The following PKHD1L1 variants were observed in gnomAD, a reference collection of about 807,000 sequenced individuals.
The protein encoded by PKHD1L1 is PKHD1 like 1.
Under a neutral mutation model 462.9 loss-of-function variants are expected in PKHD1L1, and 434 were observed. That is an observed-to-expected ratio of 0.94 (90% CI 0.87 to 1.02). The LOEUF is 1.02. Among genes scored for constraint, PKHD1L1 ranks in the 50% least tolerant of loss-of-function variants. The pLI is 0.00. For synonymous variants in PKHD1L1, 1,781 were observed against 1,750.0 expected (o/e 1.02, Z -0.44); for missense variants, 5,202 against 5,096.1 (o/e 1.02, Z -0.63).
At chr8:109,423,999 A>G (rs1229405341) in intron 23 of PKHD1L1, among the ~76,000 whole-genome samples, 1 of 152,064 alleles carries the variant, frequency 6.6e-6, no homozygotes, top group East Asian at 1.9e-4. Flanking sequence ...TTTATCTTGT[A>G]TCTTATAACC....
At chr8:109,421,520 C>A (rs1047929795) in intron 23 of PKHD1L1, among the ~76,000 whole-genome samples, 2 of 152,014 alleles carry the variant, frequency 1.3e-5, no homozygotes, top group African/African-American at 4.8e-5. Context: ...CGGTGGCTCA[C>A]GCCTATAATA....
intron 48 of PKHD1L1, among the ~76,000 whole-genome samples, chr8:109,463,116 GAACA>G (rs1817231459): frequency 6.6e-6 from 1 of 151,840 alleles, no homozygotes; most frequent in South Asian, 2.1e-4. Context: ...TGATTCCCTG[GAACA>G]ATGCATGGCA....
At chr8:109,520,024 C>G (rs1210411839) in intron 73 of PKHD1L1, among the ~76,000 whole-genome samples, 1 of 152,124 alleles carries the variant, frequency 6.6e-6, no homozygotes, top group African/African-American at 2.4e-5. Flanking sequence ...CATTATCACT[C>G]TGGAATTCTA....
In PKHD1L1 at chr8:109,429,941, T is replaced by C. The variant is rs199582110; in HGVS notation, c.3133T>C (p.Tyr1045His). 136 of 1,610,754 alleles carry C rather than the reference T, an allele frequency of 8.4e-5. No individual in the cohort carries two copies. The highest frequency in any genetic ancestry group is 1.1e-4 in the Non-Finnish European group (125 of 1,177,674). ...TPSQQPQVEV[Y>H]VNGIPAKCSG... Reference sequence around the variant, plus strand: ...GTTTCTTTACTTGAAGGTTGAAGTCTATGTCAATGGAATTCCAGCTAAATG... The same window carrying C: ...GTTTCTTTACTTGAAGGTTGAAGTCCATGTCAATGGAATTCCAGCTAAATG... Residue 1045 changes from tyrosine to histidine, a missense_variant, in exon 27 of 78, where the codon TAT becomes CAT. Tyr to His is a moderately conservative substitution (Grantham distance 83). Transcript: ENST00000378402.
chr8:109,385,200 T>G (rs1267891715), intron 5 of PKHD1L1, among the ~76,000 whole-genome samples: 1 of 151,754 alleles, frequency 6.6e-6, no homozygotes, highest in East Asian at 1.9e-4. Flanking sequence ...ATTTTTTATA[T>G]TTCATTTTTA....
rs1042948529 is a variant in PKHD1L1, at chr8:109,440,275, G to A, written c.3957-435G>A. On this transcript the variant is annotated intron_variant, in intron 32 of 77. Transcript: ENST00000378402. ...CCCTGACAAGTTTTCAACAAACGTG[G>A]AATAATAACTTCAAATTAATTATAC... 2.0e-5 allele frequency among the ~76,000 whole-genome samples: 3 copies of A among 152,148 alleles called. No individual in the cohort carries two copies. The South Asian group carries it at 6.2e-4, about 32-fold the overall frequency.
chr8:109,445,824 T>C (rs1372597909), intron 38 of PKHD1L1, among the ~76,000 whole-genome samples, 179 bp downstream of exon 38: 1 of 152,128 alleles, frequency 6.6e-6, no homozygotes, highest in Non-Finnish European at 1.5e-5. Flanking sequence ...TTTTCACACA[T>C]TTATGGGATA....
chr8:109,511,621 T>A (rs1368132398), intron 71 of PKHD1L1, among the ~76,000 whole-genome samples: 1 of 152,076 alleles, frequency 6.6e-6, no homozygotes, highest in Non-Finnish European at 1.5e-5. Context: ...TGGTTCCAAG[T>A]CTTTGCTATT....
chr8:109,442,421 C>T (rs1815847895), intron 35 of PKHD1L1, among the ~76,000 whole-genome samples: 1 of 152,004 alleles, frequency 6.6e-6, no homozygotes, highest in African/African-American at 2.4e-5. Flanking sequence ...TATATTGATT[C>T]TGTGATAATC....
intron 50 of PKHD1L1, among the ~76,000 whole-genome samples, chr8:109,472,320 T>A (rs1817762821): frequency 6.6e-6 from 1 of 152,170 alleles, no homozygotes; most frequent in Non-Finnish European, 1.5e-5. Context: ...ACATCTAAGC[T>A]TTCAAATCTC....
At chr8:109,426,645 A>ATATTT (rs1395289798) in intron 24 of PKHD1L1, among the ~76,000 whole-genome samples, 1 of 151,982 alleles carries the variant, frequency 6.6e-6, no homozygotes, top group East Asian at 1.9e-4. Context: ...GTTTGTGAAT[A>ATATTT]TATTTTATTT....
At chr8:109,394,885 T>C (rs1396898761) in intron 10 of PKHD1L1, among the ~76,000 whole-genome samples, 1 of 152,218 alleles carries the variant, frequency 6.6e-6, no homozygotes, top group Non-Finnish European at 1.5e-5. Context: ...CGAAAATGCA[T>C]TTAATCCACT....
intron 46 of PKHD1L1, 69 bp downstream of exon 46, chr8:109,456,460 A>G: frequency 2.9e-6 from 4 of 1,400,302 alleles, no homozygotes; most frequent in Non-Finnish European, 3.8e-6. Flanking sequence ...AAAGAGGGAC[A>G]ATTCAGATGG....
At chr8:109,523,114 A>G in intron 75 of PKHD1L1, 119 bp from the exon 76 acceptor site, 1 of 1,071,204 alleles carries the variant, frequency 9.3e-7, no homozygotes, top group Non-Finnish European at 1.3e-6. Context: ...TGGAATAAGG[A>G]GCTTCTGCAG....
At chr8:109,372,770 T>A (rs1811581468) in intron 2 of PKHD1L1, among the ~76,000 whole-genome samples, 1 of 152,164 alleles carries the variant, frequency 6.6e-6, no homozygotes, top group South Asian at 2.1e-4. Flanking sequence ...AATCATGTGG[T>A]TTTTGTCTTT....
chr8:109,415,562 A>T (rs1362661391), intron 21 of PKHD1L1, among the ~76,000 whole-genome samples: 2 of 152,124 alleles, frequency 1.3e-5, no homozygotes, highest in Non-Finnish European at 2.9e-5. Context: ...CAGTGGCAGA[A>T]AGGTGACAAA....
chr8:109,486,576 A>C, intron 58 of PKHD1L1, 72 bp from the exon 59 acceptor site: 1 of 1,441,596 alleles, frequency 6.9e-7, no homozygotes, highest in South Asian at 1.5e-5. Flanking sequence ...TTTAGCATAT[A>C]AACTGCAAAG....
At chr8:109,387,308 A>T (rs533163785) in intron 6 of PKHD1L1, among the ~76,000 whole-genome samples, 18 of 152,318 alleles carry the variant, frequency 1.2e-4, no homozygotes, top group Admixed American at 9.8e-4. Flanking sequence ...AGGTAAAAAG[A>T]ATTCTAAAAA....
At position 109,449,395 on chromosome 8, in the gene PKHD1L1, A is replaced by C; in HGVS notation, c.6083A>C (p.Asn2028Thr). The change falls in exon 40 of 78, where the codon AAT becomes ACT. Residue 2028 changes from asparagine to threonine, a missense_variant. By Grantham distance (65) the Asn-to-Thr change is moderately conservative. Around this residue, in one of 3 missense-constraint regions of PKHD1L1, gnomAD observed 4,497 missense variants for 4,336.8 expected, o/e 1.04. Transcript: ENST00000378402. ...ACAGGCACCGGATTTAATCCACAAAATTCAATTATATTAGTTTGTGGCTCA... is the reference window on the plus strand; with the variant it reads ...ACAGGCACCGGATTTAATCCACAAACTTCAATTATATTAGTTTGTGGCTCA... Reference protein sequence around the residue: ...TVTGTGFNPQNSIILVCGSEC... With the variant: ...TVTGTGFNPQTSIILVCGSEC... 2 of 1,588,484 alleles carry C rather than the reference A, an allele frequency of 1.3e-6. No individual in the cohort carries two copies. Among genetic ancestry groups the C allele is most frequent in the Non-Finnish European group, 1.7e-6 (2 of 1,165,924 alleles).
Sources: gnomAD v4.1 joint callset for allele counts (sites outside exome capture counted in the v4.1 genomes callset) on GRCh38, gnomAD v4.1.1 for gene constraint, gnomAD v4.1.1 regional missense constraint, MANE v1.5 for transcripts, NCBI Gene and HGNC (gene_info 2026-07-23, HGNC 2026-07-21) for gene names.